The following NEGR1 variants were observed in gnomAD, a reference collection of about 807,000 sequenced individuals.
NEGR1 encodes neuronal growth regulator 1, also known as IgLON family member 4.
A neutral mutation model predicts 40.9 loss-of-function variants in NEGR1; 10 were observed. The ratio of observed to expected loss-of-function variants is 0.24; its 90% CI spans 0.15 to 0.42. NEGR1 has a LOEUF of 0.42. NEGR1 is among the 10% of genes least tolerant of loss of function. NEGR1 has a pLI of 1.00. For missense variants in NEGR1, 352 were observed against 438.9 expected (o/e 0.80, Z 1.77); for synonymous variants, 185 against 166.8 (o/e 1.11, Z -0.84).
chr1:72,046,258 A>T (rs1484604391), intron 1 of NEGR1, among the ~76,000 whole-genome samples: 1 of 151,704 alleles, frequency 6.6e-6, no homozygotes, highest in Admixed American at 6.6e-5. Context: ...AGGGGATTTG[A>T]CACTTATAGG....
At chr1:71,512,887 C>T (rs1647085855) in intron 6 of NEGR1, among the ~76,000 whole-genome samples, 1 of 152,010 alleles carries the variant, frequency 6.6e-6, no homozygotes, top group South Asian at 2.1e-4. Flanking sequence ...GCCATACTAT[C>T]CGAATTTTTA....
chr1:71,803,283 T>C (rs1657627634), intron 2 of NEGR1, among the ~76,000 whole-genome samples: 1 of 152,134 alleles, frequency 6.6e-6, no homozygotes, highest in South Asian at 2.1e-4. Flanking sequence ...TGTGGCTATA[T>C]ATGAGTCAGG....
Position 71,520,267 on chromosome 1 carries a change from T to C in NEGR1, c.940+72550A>G, listed in dbSNP as rs934790617. 2.0e-5 allele frequency among the ~76,000 whole-genome samples: 3 copies of C among 152,130 alleles called. 1 individual carries two copies. Among genetic ancestry groups the C allele is most frequent in the Non-Finnish European group, 4.4e-5 (3 of 68,012 alleles). ...TAACACAGTGTCTGCCACAGACTAA[T>C]TGCCTAGTAAATAGTAATGCCTTTT... On this transcript the variant is annotated intron_variant, in intron 6 of 6. Coordinates refer to ENST00000357731, the MANE Select transcript of NEGR1 (RefSeq NM_173808.3).
chr1:72,093,970 A>T (rs994084740), intron 1 of NEGR1, among the ~76,000 whole-genome samples: 4 of 152,218 alleles, frequency 2.6e-5, no homozygotes, highest in African/African-American at 9.6e-5. Flanking sequence ...ATTTTGTAGA[A>T]TGTGTTGCTT....
At chr1:71,918,850 C>T (rs906962061) in intron 2 of NEGR1, among the ~76,000 whole-genome samples, 12 of 152,128 alleles carry the variant, frequency 7.9e-5, no homozygotes, top group African/African-American at 2.9e-4. Flanking sequence ...ATTGTATAAC[C>T]AGCAAAGTTA....
In NEGR1 at chr1:71,906,106, A is replaced by C. The variant is rs1661267292; in HGVS notation, c.409+28973T>G. Among the ~76,000 whole-genome samples, 3 of 152,232 alleles carry C rather than the reference A, an allele frequency of 2.0e-5. No individual in the cohort carries two copies. The South Asian group carries it at 6.2e-4, about 32-fold the overall frequency. On this transcript the variant is annotated intron_variant, in intron 2 of 6. Transcript: ENST00000357731. ...ATTCAGCTGATAAAGCCCCCTACTC[A>C]TGCTGCTAAAACGGAGCACTCTAAA...
At chr1:71,659,609 T>C (rs374235606) in intron 4 of NEGR1, among the ~76,000 whole-genome samples, 2 of 152,054 alleles carry the variant, frequency 1.3e-5, no homozygotes, top group African/African-American at 2.4e-5. Flanking sequence ...CGAGCATCTA[T>C]AAGAAACTTA....
At chr1:71,514,425 C>A (rs1353035610) in intron 6 of NEGR1, among the ~76,000 whole-genome samples, 1 of 101,394 alleles carries the variant, frequency 9.9e-6, no homozygotes, top group Non-Finnish European at 2.0e-5. Context: ...CCCTGACCCC[C>A]GGGCAGCCTA....
At chr1:71,959,069 T>G (rs184737232) in intron 1 of NEGR1, among the ~76,000 whole-genome samples, 1 of 152,302 alleles carries the variant, frequency 6.6e-6, no homozygotes, top group African/African-American at 2.4e-5. Flanking sequence ...CACAGTATTT[T>G]TTGTTTACAC....
intron 4 of NEGR1, among the ~76,000 whole-genome samples, chr1:71,612,275 T>G (rs745514004): frequency 1.3e-5 from 2 of 152,198 alleles, no homozygotes; most frequent in East Asian, 3.8e-4. Flanking sequence ...GTACTGTATT[T>G]ATGGGTATGC....
At chr1:72,099,383 C>T (rs1648841439) in intron 1 of NEGR1, among the ~76,000 whole-genome samples, 1 of 151,720 alleles carries the variant, frequency 6.6e-6, no homozygotes. Flanking sequence ...AAAATATGTA[C>T]TCTTCATTAC....
intron 1 of NEGR1, among the ~76,000 whole-genome samples, chr1:72,190,762 G>A (rs1285750957): frequency 6.6e-6 from 1 of 151,390 alleles, no homozygotes; most frequent in Non-Finnish European, 1.5e-5. Flanking sequence ...GAAAACTAGG[G>A]CCACTAAACT....
intron 1 of NEGR1, among the ~76,000 whole-genome samples, chr1:72,058,005 G>A (rs2821274): frequency 0.97 from 147,146 of 151,486 alleles, 71,642 homozygotes; most frequent in Middle Eastern, 1. Context: ...GGTCCCTGGC[G>A]CACCCTCTGA....
chr1:71,694,085 T>C (rs979853127), intron 4 of NEGR1, among the ~76,000 whole-genome samples: 13 of 151,856 alleles, frequency 8.6e-5, no homozygotes, highest in Middle Eastern at 3.4e-3. Context: ...CTGAGACTCA[T>C]TCATTCTTTC....
intron 2 of NEGR1, among the ~76,000 whole-genome samples, chr1:71,845,761 A>G (rs1196557236): frequency 6.6e-6 from 1 of 151,770 alleles, no homozygotes; most frequent in African/African-American, 2.4e-5. Context: ...CTACCTACAT[A>G]TCTATCTATT....
chr1:71,417,761 T>C (rs558133250), intron 6 of NEGR1, among the ~76,000 whole-genome samples: 1 of 152,338 alleles, frequency 6.6e-6, no homozygotes, highest in South Asian at 2.1e-4. Context: ...GAAGTGTTTA[T>C]TGAAGTGCTG....
chr1:71,933,869 A>G (rs1645878750), intron 2 of NEGR1, among the ~76,000 whole-genome samples: 1 of 152,122 alleles, frequency 6.6e-6, no homozygotes, highest in African/African-American at 2.4e-5. Context: ...TAAAATATTT[A>G]CTGTACTAAC....
chr1:71,910,056 T>C (rs1207967277), intron 2 of NEGR1, among the ~76,000 whole-genome samples: 1 of 152,200 alleles, frequency 6.6e-6, no homozygotes, highest in East Asian at 1.9e-4. Context: ...TTTTTGTGTG[T>C]TTTATTCCCT....
chr1:72,096,960 G>A lies in NEGR1; in HGVS notation c.177-161649C>T, dbSNP rs571412610. Among the ~76,000 whole-genome samples the A allele has an allele frequency of 3.5e-4, 54 of 152,204 alleles. 1 individual carries two copies. In the South Asian group the frequency reaches 5.2e-3, roughly 15 times the overall value. ...GCCTCCCAAAGTGCTGGGATTACAG[G>A]TGTGAGCCACCGCACCCAGCTGTAG... On this transcript the variant is annotated intron_variant, in intron 1 of 6. Transcript: ENST00000357731.
Sources: gnomAD v4.1 joint callset for allele counts (sites outside exome capture counted in the v4.1 genomes callset) on GRCh38, gnomAD v4.1.1 for gene constraint, MANE v1.5 for transcripts, NCBI Gene and HGNC (gene_info 2026-07-23, HGNC 2026-07-21) for gene names.